RABGAP1L: variants seen among roughly 807,000 people sequenced by gnomAD.
The protein encoded by RABGAP1L is rab GTPase-activating protein 1-like.
Under a neutral mutation model 137.7 loss-of-function variants are expected in RABGAP1L, and 63 were observed. The observed-to-expected ratio is 0.46, with a 90% CI of 0.37 to 0.56. The LOEUF (loss-of-function observed/expected upper bound fraction) is 0.56, where lower values mean the gene tolerates loss of function less well. Among genes scored for constraint, RABGAP1L ranks in the 20% least tolerant of loss-of-function variants. The pLI is 0.00. For missense variants in RABGAP1L, 1,095 were observed against 1,244.0 expected (o/e 0.88, Z 1.80); for synonymous variants, 431 against 433.7 (o/e 0.99, Z 0.08).
intron 17 of RABGAP1L, among the ~76,000 whole-genome samples, chr1:174,713,907 T>C (rs184936384): frequency 9.2e-5 from 14 of 152,338 alleles, no homozygotes; most frequent in African/African-American, 2.9e-4. Flanking sequence ...GTCATTTTTT[T>C]CCCATTATTC....
chr1:174,674,770 G>T (rs1677477907), intron 14 of RABGAP1L, among the ~76,000 whole-genome samples: 1 of 152,034 alleles, frequency 6.6e-6, no homozygotes, highest in African/African-American at 2.4e-5. Context: ...ACTTTTTAAT[G>T]ATCGCCATTC....
At chr1:174,987,222 A>G (rs1298517532) in intron 24 of RABGAP1L, among the ~76,000 whole-genome samples, 1 of 151,932 alleles carries the variant, frequency 6.6e-6, no homozygotes, top group Admixed American at 6.6e-5. Context: ...GCTGGAGTGC[A>G]GTGGCGCGAT....
chr1:174,659,621 T>C (rs1676223955), intron 14 of RABGAP1L, among the ~76,000 whole-genome samples: 1 of 152,248 alleles, frequency 6.6e-6, no homozygotes, highest in African/African-American at 2.4e-5. Context: ...TTCAGTCTCA[T>C]GGCTTTAAAT....
chr1:174,179,130 A>G (rs950025443), intron 1 of RABGAP1L, among the ~76,000 whole-genome samples: 4 of 152,070 alleles, frequency 2.6e-5, no homozygotes, highest in African/African-American at 9.7e-5. Context: ...GGCTGTACTC[A>G]AACTCCTGGG....
chr1:174,311,033 C>T (rs1000212377), intron 11 of RABGAP1L, among the ~76,000 whole-genome samples: 5 of 152,034 alleles, frequency 3.3e-5, no homozygotes, highest in Admixed American at 1.3e-4. Flanking sequence ...TAACCATCCC[C>T]GCCTCCCCCT....
chr1:174,230,100 A>T (rs994040231), intron 3 of RABGAP1L, among the ~76,000 whole-genome samples: 3 of 152,124 alleles, frequency 2.0e-5, no homozygotes, highest in African/African-American at 7.2e-5. Context: ...CTTTGTAGGG[A>T]CATGGATGAA....
intron 5 of RABGAP1L, among the ~76,000 whole-genome samples, chr1:174,243,523 A>T (rs904292424): frequency 6.6e-6 from 1 of 152,208 alleles, no homozygotes; most frequent in Non-Finnish European, 1.5e-5. Flanking sequence ...TTTTAAAAAA[A>T]ATTTTAAAAA....
intron 17 of RABGAP1L, among the ~76,000 whole-genome samples, chr1:174,736,592 G>A (rs1021776776): frequency 1.3e-5 from 2 of 152,216 alleles, no homozygotes; most frequent in African/African-American, 4.8e-5. Flanking sequence ...GACTCTGTGT[G>A]GGGGCTCCAG....
intron 13 of RABGAP1L, among the ~76,000 whole-genome samples, chr1:174,630,105 G>C (rs902204792): frequency 4.0e-4 from 60 of 149,366 alleles, no homozygotes; most frequent in South Asian, 1.5e-3. Context: ...TAGCATGAAG[G>C]GTTGTTGAAT....
At chr1:174,316,500 G>C (rs1203774238) in intron 11 of RABGAP1L, among the ~76,000 whole-genome samples, 1 of 152,208 alleles carries the variant, frequency 6.6e-6, no homozygotes, top group Non-Finnish European at 1.5e-5. Context: ...TAGAGGTACT[G>C]CCTTGATGGT....
At chr1:174,744,670 G>A (rs1683731918) in intron 17 of RABGAP1L, among the ~76,000 whole-genome samples, 1 of 152,072 alleles carries the variant, frequency 6.6e-6, no homozygotes. Flanking sequence ...CGAGTTGAGG[G>A]ACATTTTATA....
intron 3 of RABGAP1L, among the ~76,000 whole-genome samples, chr1:174,223,758 A>T (rs1276982860): frequency 6.6e-6 from 1 of 152,160 alleles, no homozygotes; most frequent in African/African-American, 2.4e-5. Flanking sequence ...TATCTGGACA[A>T]GTAGAGGTAC....
At chr1:174,716,557 G>T (rs1681027656) in intron 17 of RABGAP1L, among the ~76,000 whole-genome samples, 1 of 152,086 alleles carries the variant, frequency 6.6e-6, no homozygotes, top group African/African-American at 2.4e-5. Context: ...ACTGTTGTTT[G>T]CATTTGTTAA....
chr1:174,856,858 C>T (rs563708054), intron 19 of RABGAP1L, among the ~76,000 whole-genome samples: 3 of 151,178 alleles, frequency 2.0e-5, no homozygotes, highest in East Asian at 1.9e-4. Flanking sequence ...ACCTGGGAGG[C>T]GGAGGTTGCA....
At position 174,547,830 on chromosome 1, in the gene RABGAP1L, C is replaced by G; in HGVS notation, c.1711-89545C>G. ...TTGAAAATAATCATATTTATTTTGT[C>G]TTTTAGCAACAGATGAAATTTAGTC... On this transcript the variant is annotated intron_variant, in intron 13 of 25. Transcript: ENST00000681986. 3 of 1,509,512 alleles carry G rather than the reference C, an allele frequency of 2.0e-6. No homozygotes were observed. The South Asian group carries it at 3.6e-5, about 18-fold the overall frequency. 93.5% of individuals were successfully genotyped at this position (1,509,512 alleles called of 1,614,324 possible).
intron 13 of RABGAP1L, among the ~76,000 whole-genome samples, chr1:174,463,699 C>A (rs1306446831): frequency 2.6e-5 from 4 of 151,238 alleles, no homozygotes; most frequent in African/African-American, 9.7e-5. Flanking sequence ...GTGTGGCCAA[C>A]AAAGATATGA....
intron 19 of RABGAP1L, among the ~76,000 whole-genome samples, chr1:174,847,220 C>T (rs1573479282): frequency 6.6e-6 from 1 of 151,282 alleles, no homozygotes. Flanking sequence ...GAATTGAGTC[C>T]ATTTACATTT....
At chr1:174,391,314 A>T (rs1687191812) in intron 12 of RABGAP1L, among the ~76,000 whole-genome samples, 1 of 151,968 alleles carries the variant, frequency 6.6e-6, no homozygotes, top group Non-Finnish European at 1.5e-5. Context: ...TGAAGAAAGG[A>T]TTTTTTTCAA....
chr1:174,177,697 A>G (rs1442483208), intron 1 of RABGAP1L, among the ~76,000 whole-genome samples: 1 of 152,160 alleles, frequency 6.6e-6, no homozygotes, highest in Non-Finnish European at 1.5e-5. Flanking sequence ...TTTTCTGCAT[A>G]TGGCTAGCCA....
Sources: gnomAD v4.1 joint callset for allele counts (sites outside exome capture counted in the v4.1 genomes callset) on GRCh38, gnomAD v4.1.1 for gene constraint, MANE v1.5 for transcripts, NCBI Gene and HGNC (gene_info 2026-07-23, HGNC 2026-07-21) for gene names.